The following WLS variants were observed in gnomAD, a reference collection of about 807,000 sequenced individuals.
The protein encoded by WLS is Wnt ligand secretion mediator, also known as protein wntless homolog.
In WLS, 23 loss-of-function variants were observed where a neutral mutation model predicts 62.8. The observed-to-expected ratio is 0.37, with a 90% CI of 0.26 to 0.52. The LOEUF (loss-of-function observed/expected upper bound fraction) is 0.52. Among genes scored for constraint, WLS ranks in the 20% least tolerant of loss-of-function variants. WLS has a pLI of 0.92. For synonymous variants in WLS, 246 were observed against 244.1 expected (o/e 1.01, Z -0.07); for missense variants, 615 against 697.3 (o/e 0.88, Z 1.33).
At chr1:68,226,722 A>G (rs1455593478) in intron 1 of WLS, among the ~76,000 whole-genome samples, 2 of 152,156 alleles carry the variant, frequency 1.3e-5, no homozygotes, top group Non-Finnish European at 2.9e-5. Context: ...GTCGGCATGT[A>G]GCCCCATCCT....
chr1:68,164,475 C>G (rs1382318968), intron 2 of WLS, among the ~76,000 whole-genome samples: 7 of 152,142 alleles, frequency 4.6e-5, no homozygotes, highest in African/African-American at 1.7e-4. Context: ...TCAGGCTGGT[C>G]TTGAACTCCT....
chr1:68,168,975 C>G (rs1647105359), intron 2 of WLS, among the ~76,000 whole-genome samples: 1 of 152,156 alleles, frequency 6.6e-6, no homozygotes. Context: ...CTTAAGATGC[C>G]CTACAGGCCT....
intron 3 of WLS, among the ~76,000 whole-genome samples, chr1:68,155,841 G>C (rs140255361): frequency 7.9e-4 from 121 of 152,246 alleles, no homozygotes; most frequent in African/African-American, 2.8e-3. Context: ...AGGGAAGGTC[G>C]AAACAGAAGA....
intron 11 of WLS, among the ~76,000 whole-genome samples, chr1:68,129,167 T>TA (rs1646480555): frequency 2.0e-5 from 3 of 151,866 alleles, no homozygotes; most frequent in Admixed American, 6.6e-5. Flanking sequence ...CTACTAAAAT[T>TA]AAAAAAATTA....
At chr1:68,180,661 A>G (rs55752131) in intron 2 of WLS, among the ~76,000 whole-genome samples, 44,880 of 151,934 alleles carry the variant, frequency 0.3, 6,763 homozygotes, top group East Asian at 0.42. Context: ...AATAAATAGC[A>G]TGGGCTCCCA....
At position 68,125,824 on chromosome 1, in the gene WLS, A is replaced by G; in HGVS notation, c.*402T>C. 1 of 1,008,876 alleles carries G rather than the reference A, an allele frequency of 9.9e-7. No individual in the cohort carries two copies. The highest frequency in any genetic ancestry group is 1.2e-6 in the Non-Finnish European group (1 of 844,352). 62.5% of individuals were successfully genotyped at this position (1,008,876 alleles called of 1,614,324 possible). A position where few individuals can be genotyped will look rare whatever the true frequency, so the allele number is the denominator to read the frequency against. ...TTGGACTGGGACCGCAAAGGATGTT[A>G]AAATCTATCCTAGAATTTAAAACAG... On this transcript the variant is annotated 3_prime_UTR_variant, in exon 12 of 12. Transcript: ENST00000262348.
At chr1:68,099,516 C>T (rs1359642453) in intron 11 of WLS, among the ~76,000 whole-genome samples, 1 of 152,162 alleles carries the variant, frequency 6.6e-6, no homozygotes, top group Non-Finnish European at 1.5e-5. Context: ...GGCTGTAGGA[C>T]CTTTGTGGAT....
chr1:68,201,089 C>A (rs1009123505), intron 1 of WLS, among the ~76,000 whole-genome samples: 1 of 152,140 alleles, frequency 6.6e-6, no homozygotes, highest in Non-Finnish European at 1.5e-5. Context: ...CTTAGACATT[C>A]CACATGCCTT....
At chr1:68,131,499 A>C (rs1646524102) in intron 11 of WLS, among the ~76,000 whole-genome samples, 1 of 151,616 alleles carries the variant, frequency 6.6e-6, no homozygotes, top group Non-Finnish European at 1.5e-5. Context: ...CCCTGGGTCC[A>C]GTTGTCTCTC....
chr1:68,156,561 G>C (rs1003750281), intron 3 of WLS, among the ~76,000 whole-genome samples: 3 of 152,154 alleles, frequency 2.0e-5, no homozygotes, highest in Non-Finnish European at 4.4e-5. Flanking sequence ...GTGGGGAGGT[G>C]CTTCTACCTC....
At chr1:68,176,193 T>C (rs1647250082) in intron 2 of WLS, 1 of 151,470 alleles carries the variant, frequency 6.6e-6, no homozygotes, top group Non-Finnish European at 1.5e-5. Flanking sequence ...GGCTCTCCTC[T>C]TATCTTTTTC....
At chr1:68,114,982 T>A (rs990189221) in intron 11 of WLS, among the ~76,000 whole-genome samples, 4 of 152,214 alleles carry the variant, frequency 2.6e-5, no homozygotes, top group Admixed American at 2.0e-4. Flanking sequence ...GGACTGCAGG[T>A]AGGACTAAGC....
chr1:68,232,225 T>G lies in WLS; in HGVS notation c.75A>C (p.Gln25His), dbSNP rs752417486. 95 of 1,614,004 alleles carry G rather than the reference T, an allele frequency of 5.9e-5. No individual in the cohort carries two copies. The Admixed American group carries it at 1.1e-3, about 20-fold the overall frequency. Residue 25 changes from glutamine (Q) to histidine (H), a missense_variant, in exon 1 of 12, where the codon CAA becomes CAC. Transcript: ENST00000262348. Reference sequence around the variant, plus strand: ...AGCCTCCCACCAGAAAGGCGATGATTTGGAACACGAGCAGAATCCCACCAA... The same window carrying G: ...AGCCTCCCACCAGAAAGGCGATGATGTGGAACACGAGCAGAATCCCACCAA... Reference protein sequence around the residue: ...CIVGGILLVFQIIAFLVGGLI... With the variant: ...CIVGGILLVFHIIAFLVGGLI...
Position 68,162,156 on chromosome 1 carries a change from A to G in WLS, c.380-2909T>C, listed in dbSNP as rs544895131. The stretch of plus-strand genomic sequence containing the variant: ...GAGGAGTGCAGATAAGATTCGGTGC[A>G]TCTTTCAACGGACCCTGAGCAAAGC... On this transcript the variant is annotated intron_variant, in intron 2 of 11. Coordinates refer to ENST00000262348, the MANE Select transcript of WLS (RefSeq NM_024911.7). The G allele has an allele frequency of 2.7e-6, 4 of 1,472,312 alleles. No homozygotes were observed. In the South Asian group the frequency reaches 4.5e-5, roughly 17 times the overall value. The allele number at this position is 1,472,312 out of a possible 1,614,324, so 91.2% of individuals were successfully genotyped here.
downstream of WLS, among the ~76,000 whole-genome samples, chr1:68,124,656 C>T (rs1032405108): frequency 3.9e-5 from 6 of 152,252 alleles, no homozygotes; most frequent in African/African-American, 1.4e-4. Context: ...TGCACAGGAT[C>T]GTACACCATC....
intron 2 of WLS, among the ~76,000 whole-genome samples, chr1:68,190,922 G>A (rs531395742): frequency 6.6e-6 from 1 of 152,136 alleles, no homozygotes; most frequent in African/African-American, 2.4e-5. Flanking sequence ...GCCAGGCGTG[G>A]TGGCACATGC....
At chr1:68,182,150 C>T (rs1420825287) in intron 2 of WLS, among the ~76,000 whole-genome samples, 1 of 152,208 alleles carries the variant, frequency 6.6e-6, no homozygotes, top group Non-Finnish European at 1.5e-5. Flanking sequence ...ATATACCAAA[C>T]TATAGATACT....
chr1:68,162,093 C>T, intron 2 of WLS: 1 of 1,567,332 alleles, frequency 6.4e-7, no homozygotes, highest in South Asian at 1.1e-5. Context: ...CTGCCTCCCT[C>T]ATCTCCAGTG....
At chr1:68,133,051 GCAGCAACAGCAACAGCAGCAGCAGCA>G (rs553942871) in intron 11 of WLS, among the ~76,000 whole-genome samples, 5,075 of 152,036 alleles carry the variant, frequency 0.033, 99 homozygotes, top group Middle Eastern at 0.099. Flanking sequence ...AAAGGCAGCA[GCAGCAACAGCAACAGCAGCAGCAGCA>G]GCAGCAGGGC....
Sources: allele counts gnomAD v4.1 joint callset (sites outside exome capture counted in the v4.1 genomes callset), GRCh38; gene constraint gnomAD v4.1.1; transcripts MANE v1.5; gene names NCBI Gene and HGNC (gene_info 2026-07-23, HGNC 2026-07-21).